The following RNF150 variants were observed in gnomAD, a reference collection of about 807,000 sequenced individuals.
RNF150 encodes ring finger protein 150.
RNF150 carries 24 observed loss-of-function variants against 39.3 expected under a neutral mutation model. The ratio of observed to expected loss-of-function variants is 0.61; its 90% CI spans 0.44 to 0.86. RNF150 has a LOEUF of 0.86. Among genes scored for constraint, RNF150 ranks in the 40% least tolerant of loss-of-function variants. RNF150 has a pLI of 0.00. For synonymous variants in RNF150, 255 were observed against 227.3 expected (o/e 1.12, Z -1.10); for missense variants, 502 against 587.8 (o/e 0.85, Z 1.51).
At chr4:141,065,749 A>G (rs899297556) in intron 1 of RNF150, among the ~76,000 whole-genome samples, 4 of 152,052 alleles carry the variant, frequency 2.6e-5, no homozygotes, top group Non-Finnish European at 4.4e-5. Context: ...CCTCAAGACC[A>G]GTGGGGTATG....
intron 1 of RNF150, among the ~76,000 whole-genome samples, chr4:141,048,374 C>T (rs1258882883): frequency 6.6e-6 from 1 of 152,122 alleles, no homozygotes; most frequent in African/African-American, 2.4e-5. Context: ...CAGCCATGGA[C>T]CACTGGGAAA....
upstream of RNF150, among the ~76,000 whole-genome samples, chr4:141,137,005 C>G (rs575269007): frequency 3.3e-5 from 5 of 152,246 alleles, no homozygotes; most frequent in African/African-American, 1.2e-4. Flanking sequence ...TAAGTACAAT[C>G]TGAGGCAAGT....
At chr4:140,949,231 C>A (rs1732446706) in intron 3 of RNF150, 70 bp downstream of exon 3, 1 of 1,204,826 alleles carries the variant, frequency 8.3e-7, no homozygotes, top group Non-Finnish European at 1.2e-6. Flanking sequence ...TCTCTTCCAC[C>A]CTGGCTATAA....
At chr4:140,927,446 C>T (rs1417765816) in intron 4 of RNF150, among the ~76,000 whole-genome samples, 1 of 152,018 alleles carries the variant, frequency 6.6e-6, no homozygotes, top group African/African-American at 2.4e-5. Flanking sequence ...AGTGATTTCT[C>T]ATGAGATCTG....
chr4:140,917,054 G>C (rs1730864445), intron 5 of RNF150, among the ~76,000 whole-genome samples: 1 of 152,160 alleles, frequency 6.6e-6, no homozygotes, highest in African/African-American at 2.4e-5. Context: ...ACTAAACATG[G>C]AAAGGAACAA....
intron 1 of RNF150, among the ~76,000 whole-genome samples, chr4:140,997,688 C>CTGTGTGTGCATATATACACACACATATA (rs1734426930): frequency 7.3e-6 from 1 of 137,054 alleles, no homozygotes; most frequent in African/African-American, 2.6e-5. Flanking sequence ...GCACTCCAGC[C>CTGTGTGTGCATATATACACACACATATA]TGTGTGTGTA....
At chr4:141,068,846 T>G (rs984392417) in intron 1 of RNF150, among the ~76,000 whole-genome samples, 1 of 127,902 alleles carries the variant, frequency 7.8e-6, no homozygotes. Context: ...TCACTCATGA[T>G]TTGGCTCTCT....
At chr4:140,912,412 T>C (rs1263270404) in intron 5 of RNF150, among the ~76,000 whole-genome samples, 1 of 152,210 alleles carries the variant, frequency 6.6e-6, no homozygotes, top group East Asian at 1.9e-4. Flanking sequence ...GATAATTACA[T>C]GGTTTACACT....
intron 1 of RNF150, among the ~76,000 whole-genome samples, chr4:141,037,490 TCTTCTGAAGGA>T (rs752211756): frequency 3.9e-5 from 6 of 152,338 alleles, no homozygotes; most frequent in Middle Eastern, 3.4e-3. Flanking sequence ...ATCTGCACTT[TCTTCTGAAGGA>T]AATGAAATTG....
At chr4:141,061,678 A>C (rs1737235458) in intron 1 of RNF150, among the ~76,000 whole-genome samples, 1 of 152,190 alleles carries the variant, frequency 6.6e-6, no homozygotes, top group African/African-American at 2.4e-5. Context: ...TTTGCTTCCA[A>C]GGAAGCCTTG....
intron 1 of RNF150, among the ~76,000 whole-genome samples, chr4:141,065,405 A>C (rs1018529392): frequency 6.6e-6 from 1 of 152,212 alleles, no homozygotes; most frequent in African/African-American, 2.4e-5. Context: ...CTACTAAAAA[A>C]TTTATATGAA....
At chr4:141,155,378 G>A (rs62324941) in intron 1 of RNF150, among the ~76,000 whole-genome samples, 19,070 of 151,720 alleles carry the variant, frequency 0.13, 1,555 homozygotes, top group Non-Finnish European at 0.19. Flanking sequence ...GATTACAGGC[G>A]TGAGCCACTA....
At position 141,132,862 on chromosome 4, in the gene RNF150, C is replaced by G; in HGVS notation, c.-54G>C. 1.4e-6 allele frequency: 2 copies of G among 1,477,768 alleles called. No homozygotes were observed. 91.5% of individuals were successfully genotyped at this position (1,477,768 alleles called of 1,614,324 possible). A position where few individuals can be genotyped will look rare whatever the true frequency, so the allele number is the denominator to read the frequency against. ...CCCGCGCCCTCCCTCCGTCCCGTCC[C>G]TCCTCCCCAGCCCCGGCCAACCCCG... On this transcript the variant is annotated 5_prime_UTR_variant, in exon 1 of 7. Transcript: ENST00000515673. The surrounding 1 kb of genome is among the most constrained non-coding windows in gnomAD (Gnocchi z 4.9).
chr4:141,041,088 T>C (rs1270505251), intron 1 of RNF150, among the ~76,000 whole-genome samples: 1 of 152,052 alleles, frequency 6.6e-6, no homozygotes. Context: ...AAACATTCAT[T>C]TAAAAAAAAA....
chr4:140,891,418 G>A (rs922995339), intron 6 of RNF150, among the ~76,000 whole-genome samples: 5 of 152,180 alleles, frequency 3.3e-5, no homozygotes, highest in South Asian at 2.1e-4. Context: ...GGTCCACAGA[G>A]CACCCCAAGG....
intron 1 of RNF150, among the ~76,000 whole-genome samples, chr4:141,047,304 T>C (rs944964425): frequency 6.6e-6 from 1 of 152,174 alleles, no homozygotes; most frequent in Non-Finnish European, 1.5e-5. Flanking sequence ...CCTTTCCTAC[T>C]GAAGGTATTT....
intron 2 of RNF150, among the ~76,000 whole-genome samples, chr4:140,949,999 G>C (rs1732482203): frequency 6.6e-6 from 1 of 152,198 alleles, no homozygotes; most frequent in South Asian, 2.1e-4. Flanking sequence ...TCCATGTCAA[G>C]AAATAATATA....
intron 1 of RNF150, among the ~76,000 whole-genome samples, chr4:141,173,581 G>A (rs1350836463): frequency 1.3e-5 from 2 of 152,172 alleles, no homozygotes; most frequent in African/African-American, 4.8e-5. Context: ...CAGTGCCTAA[G>A]TTTCAATTTG....
At chr4:141,122,007 T>C (rs966063091) in intron 1 of RNF150, among the ~76,000 whole-genome samples, 36 of 151,920 alleles carry the variant, frequency 2.4e-4, no homozygotes, top group Non-Finnish European at 2.1e-4. Context: ...ACTTTTAAAC[T>C]CCCCCAGGTG....
Sources: gnomAD v4.1 joint callset for allele counts (sites outside exome capture counted in the v4.1 genomes callset) on GRCh38, gnomAD v4.1.1 for gene constraint, Gnocchi (gnomAD v3.1) non-coding constraint, MANE v1.5 for transcripts, NCBI Gene and HGNC (gene_info 2026-07-23, HGNC 2026-07-21) for gene names.